PHLDB3: variants seen among roughly 807,000 people sequenced by gnomAD.
PHLDB3 encodes pleckstrin homology like domain family B member 3.
Under a neutral mutation model 85.7 loss-of-function variants are expected in PHLDB3, and 86 were observed. The observed-to-expected ratio is 1.00, with a 90% CI of 0.84 to 1.20. PHLDB3 has a LOEUF of 1.20. Ranked by LOEUF, PHLDB3 falls within the 50% of genes most tolerant of loss-of-function variation. PHLDB3 has a pLI of 0.00. For missense variants in PHLDB3, 995 were observed against 873.0 expected (o/e 1.14, Z -1.76); for synonymous variants, 376 against 349.8 (o/e 1.07, Z -0.83).
intron 15 of PHLDB3, 85 bp from the exon 16 acceptor site, chr19:43,475,629 C>T: frequency 6.5e-7 from 1 of 1,531,214 alleles, no homozygotes; most frequent in Non-Finnish European, 8.9e-7. Flanking sequence ...TACTTATAGT[C>T]TGTGTGGCAC....
Position 43,486,417 on chromosome 19 carries a change from A to G in PHLDB3, c.1429-95T>C, listed in dbSNP as rs946104016. The G allele has an allele frequency of 3.7e-6, 5 of 1,358,630 alleles. No individual in the cohort carries two copies. The African/African-American group carries it at 7.2e-5, about 20-fold the overall frequency. The allele number at this position is 1,358,630 out of a possible 1,614,324, so 84.2% of individuals were successfully genotyped here. ...CCTAGCTTCTCTGTTCTGAGGGTAC[A>G]GGGACTGGGGGCCTGGACTCCTGGG... On this transcript the variant is annotated intron_variant, in intron 12 of 15. Transcript: ENST00000292140.
rs1203007604 is a variant in PHLDB3 at position 43,479,466 on chromosome 19, G to T, written c.1613C>A (p.Pro538His). The T allele has an allele frequency of 2.6e-6, 4 of 1,564,118 alleles. No individual in the cohort carries two copies. In the Admixed American group the frequency reaches 5.7e-5, roughly 22 times the overall value. Residue 538 changes from proline (P) to histidine (H), a missense_variant, in exon 14 of 16, where the codon CCC becomes CAC. Coordinates refer to ENST00000292140, the MANE Select transcript of PHLDB3 (RefSeq NM_198850.4). ...VQVSGCCCRGPLVKMGGRIKT... is the reference protein window; with the variant it reads ...VQVSGCCCRGHLVKMGGRIKT... ...GATGCGGCCGCCCATCTTCACCAGG[G>T]GTCCACGGCAGCAGCACCCAGACAC... is the stretch of plus-strand genomic sequence containing the variant.
Position 43,478,045 on chromosome 19 carries a change from A to G in PHLDB3, c.1788+2T>C, listed in dbSNP as rs1442216054. On this transcript the variant is annotated splice_donor_variant, in intron 15 of 15. Coordinates refer to ENST00000292140, the MANE Select transcript of PHLDB3 (RefSeq NM_198850.4). LOFTEE classifies it high-confidence loss of function. ...GGTCAGGGTGACATTGAGGGGCTTCACCTTGAAGGCACAGCGTAAGTGGTC... is the reference window on the plus strand; with the variant it reads ...GGTCAGGGTGACATTGAGGGGCTTCGCCTTGAAGGCACAGCGTAAGTGGTC... 3 of 1,609,870 alleles carry G rather than the reference A, an allele frequency of 1.9e-6. No homozygotes were observed. The highest frequency in any genetic ancestry group is 2.5e-6 in the Non-Finnish European group (3 of 1,176,488).
intron 13 of PHLDB3, among the ~76,000 whole-genome samples, chr19:43,480,264 TAAAAAAAAA>T (rs57417757): frequency 2.4e-4 from 17 of 71,614 alleles, no homozygotes; most frequent in East Asian, 9.8e-4. Flanking sequence ...CTTCTCTATT[TAAAAAAAAA>T]AAAAAAAAAA....
chr19:43,485,179 A>G (rs1343926886), intron 13 of PHLDB3, among the ~76,000 whole-genome samples: 1 of 151,722 alleles, frequency 6.6e-6, no homozygotes, highest in Non-Finnish European at 1.5e-5. Flanking sequence ...TCCTTCTCTC[A>G]TGCATATGCT....
intron 2 of PHLDB3, 69 bp from the exon 3 acceptor site, chr19:43,502,352 C>A: frequency 6.9e-7 from 1 of 1,442,694 alleles, no homozygotes; most frequent in East Asian, 2.5e-5. Flanking sequence ...AGGTCTGGTC[C>A]CCACCCAACA....
At chr19:43,504,190 G>A (rs1971695859) in intron 1 of PHLDB3, 58 bp from the exon 2 acceptor site, 7 of 1,434,448 alleles carry the variant, frequency 4.9e-6, no homozygotes, top group Non-Finnish European at 6.5e-6. Flanking sequence ...GCTGAGCGCC[G>A]CTCGCGTCTG....
Position 43,487,006 on chromosome 19 carries a change from G to A in PHLDB3, c.1249+18C>T, listed in dbSNP as rs1971181749. 6.6e-7 allele frequency: 1 copy of A among 1,526,266 alleles called. No individual in the cohort carries two copies. The highest frequency in any genetic ancestry group is 8.8e-7 in the Non-Finnish European group (1 of 1,138,462). The allele number at this position is 1,526,266 out of a possible 1,614,324, so 94.5% of individuals were successfully genotyped here. On this transcript the variant is annotated intron_variant, in intron 10 of 15. Coordinates refer to ENST00000292140, the MANE Select transcript of PHLDB3 (RefSeq NM_198850.4). ...AGTGCTGATGTGGGAAGGAAGTGGG[G>A]AACAGGGGGATCCTCACCAGTACAA...
rs1971577812 is a variant in PHLDB3, at chr19:43,500,919, C to CG, written c.534+814_534+815insC. On this transcript the variant is annotated intron_variant, in intron 4 of 15. Coordinates refer to ENST00000292140, the MANE Select transcript of PHLDB3 (RefSeq NM_198850.4). ...TGCCCCGCCCCCCGTACCCCCCCCC[C>CG]ACCCCGCAAGTACTGGGATTACAGG... Among the ~76,000 whole-genome samples, 2 of 115,612 alleles carry CG rather than the reference C, an allele frequency of 1.7e-5. 1 individual carries two copies. Among genetic ancestry groups the CG allele is most frequent in the African/African-American group, 6.5e-5 (2 of 30,872 alleles). 75.8% of individuals were successfully genotyped at this position (115,612 alleles called of 152,430 possible). A position where few individuals can be genotyped will look rare whatever the true frequency, so the allele number is the denominator to read the frequency against.
intron 9 of PHLDB3, among the ~76,000 whole-genome samples, chr19:43,489,376 T>G (rs972186763): frequency 4.6e-5 from 7 of 151,370 alleles, no homozygotes; most frequent in Admixed American, 2.0e-4. Context: ...AAAGTTTTTT[T>G]TTTTTTTTTT....
rs548109894 is a variant in PHLDB3 at position 43,488,141 on chromosome 19, G to A, written c.1150-1018C>T. 1.8e-3 allele frequency among the ~76,000 whole-genome samples: 267 copies of A among 151,208 alleles called. 1 individual carries two copies. The highest frequency in any genetic ancestry group is 3.7e-3 in the Admixed American group (56 of 15,146). On this transcript the variant is annotated intron_variant, in intron 9 of 15. Transcript: ENST00000292140. Reference sequence around the variant, plus strand: ...TGAAATCCAGGCTGGACGACAGAGCGAGACTCTGTCGCAAAAAAAAAAAAG... The same window carrying A: ...TGAAATCCAGGCTGGACGACAGAGCAAGACTCTGTCGCAAAAAAAAAAAAG...
In PHLDB3 at chr19:43,479,583, G is replaced by T; in HGVS notation, c.1496C>A (p.Thr499Asn). 5 of 1,487,218 alleles carry T rather than the reference G, an allele frequency of 3.4e-6. No homozygotes were observed. The highest frequency in any genetic ancestry group is 3.7e-6 in the Non-Finnish European group (4 of 1,092,286). 92.1% of individuals were successfully genotyped at this position (1,487,218 alleles called of 1,614,324 possible). ...TCGCGGGCCTGGAGGGTGGGGTGGG[G>T]TGGGTGGGGCCTGGGGAGCAAAGAG... ...PAVPAITAPP[T>N]PPHPPGPRIL... is the part of the protein sequence containing the mutation. Residue 499 changes from threonine to asparagine, a missense_variant, in exon 14 of 16, where the codon ACC becomes AAC. By Grantham distance (65) the Thr-to-Asn change is moderately conservative. Coordinates refer to ENST00000292140, the MANE Select transcript of PHLDB3 (RefSeq NM_198850.4).
At position 43,502,614 on chromosome 19, in the gene PHLDB3, CTTTTT is replaced by C. The variant is rs71336869; in HGVS notation, c.214-336_214-332del. Among the ~76,000 whole-genome samples, 13 of 114,792 alleles carry C rather than the reference CTTTTT, an allele frequency of 1.1e-4. 1 individual carries two copies. In the South Asian group the frequency reaches 1.4e-3, roughly 12 times the overall value. 75.3% of individuals were successfully genotyped at this position (114,792 alleles called of 152,430 possible). On this transcript the variant is annotated intron_variant, in intron 2 of 15. Transcript: ENST00000292140. ...CAGGCGCGCACCGCCACGCCAAGCT[CTTTTT>C]TTTTTTTTTTTTTTTTGGCAGAGAG...
chr19:43,504,017 T>C lies in PHLDB3; in HGVS notation c.102A>G (p.Glu34=), dbSNP rs1230228460. 1 of 1,613,758 alleles carries C rather than the reference T, an allele frequency of 6.2e-7. No homozygotes were observed. Among genetic ancestry groups the C allele is most frequent in the African/African-American group, 1.3e-5 (1 of 74,952 alleles). The part of the protein sequence containing the change: ...QPQGHPEESR[E]QEASEVLAEP... ...CCGCCAGGACTTCGGATGCCTCCTG[T>C]TCCCGGGACTCCTCGGGATGGCCCT... The change falls in exon 2 of 16, where the codon GAA becomes GAG. Residue 34 remains glutamate (E), a synonymous_variant. Transcript: ENST00000292140.
At position 43,486,310 on chromosome 19, in the gene PHLDB3, T is replaced by C; in HGVS notation, c.1441A>G (p.Arg481Gly). ...GGGCCTGAGGAACCTTCCGTGCCCC[T>C]TCTTGTTCCTTCCTGTGGATTCAGG... ...RLLKAREGTR[R>G]GTEGSSGPAV... Residue 481 changes from arginine (R) to glycine (G), a missense_variant, in exon 13 of 16, where the codon AGG (arginine) becomes GGG (glycine). By Grantham distance (125) the Arg-to-Gly change is moderately radical (BLOSUM62 -2). Transcript: ENST00000292140. 6.2e-7 allele frequency: 1 copy of C among 1,607,048 alleles called. No homozygotes were observed. Among genetic ancestry groups the C allele is most frequent in the East Asian group, 2.2e-5 (1 of 44,678 alleles).
chr19:43,475,197 G>A lies in PHLDB3; in HGVS notation c.*213C>T. On this transcript the variant is annotated 3_prime_UTR_variant, in exon 16 of 16. Coordinates refer to ENST00000292140, the MANE Select transcript of PHLDB3 (RefSeq NM_198850.4). ...CAATCTTCCTCCTGCCCCGGGCAGG[G>A]CCTTAGGGGCCGGCGATCCCGTCGG... 1 of 595,484 alleles carries A rather than the reference G, an allele frequency of 1.7e-6. No individual in the cohort carries two copies. The highest frequency in any genetic ancestry group is 3.0e-5 in the East Asian group (1 of 33,296). 36.9% of individuals were successfully genotyped at this position (595,484 alleles called of 1,614,324 possible).
rs1306451473 is a variant in PHLDB3 at position 43,475,189 on chromosome 19, C to G, written c.*221G>C. 3 of 551,616 alleles carry G rather than the reference C, an allele frequency of 5.4e-6. No homozygotes were observed. The highest frequency in any genetic ancestry group is 9.5e-6 in the Non-Finnish European group (3 of 315,946). The allele number at this position is 551,616 out of a possible 1,614,324, so 34.2% of individuals were successfully genotyped here. On this transcript the variant is annotated 3_prime_UTR_variant, in exon 16 of 16. Transcript: ENST00000292140. Reference sequence around the variant, plus strand: ...CGCCCCTGCAATCTTCCTCCTGCCCCGGGCAGGGCCTTAGGGGCCGGCGAT... The same window carrying G: ...CGCCCCTGCAATCTTCCTCCTGCCCGGGGCAGGGCCTTAGGGGCCGGCGAT...
Position 43,502,258 on chromosome 19 carries a change from A to T in PHLDB3, c.239T>A (p.Met80Lys). ...GGTGGATGCGGGAGGTGTGGCCGCCATAGCTATCGGAGGCGTAGCCTCGGG... is the reference window on the plus strand; with the variant it reads ...GGTGGATGCGGGAGGTGTGGCCGCCTTAGCTATCGGAGGCGTAGCCTCGGG... ...DAPEATPPIA[M>K]AATPPASTSS... is the part of the protein sequence containing the mutation. The change falls in exon 3 of 16, where the codon ATG becomes AAG. Residue 80 changes from methionine to lysine, a missense_variant. Physicochemically the swap from Met to Lys is moderately conservative, Grantham distance 95. Transcript: ENST00000292140. The T allele has an allele frequency of 6.4e-7, 1 of 1,564,016 alleles. No individual in the cohort carries two copies. The highest frequency in any genetic ancestry group is 1.9e-5 in the Admixed American group (1 of 53,090).
At position 43,502,254 on chromosome 19, in the gene PHLDB3, C is replaced by A. The variant is rs201507471; in HGVS notation, c.243G>T (p.Ala81=). Residue 81 remains alanine (A), a synonymous_variant, in exon 3 of 16, where the codon GCG becomes GCT. Transcript: ENST00000292140. The part of the protein sequence containing the change: ...APEATPPIAM[A]ATPPASTSSR... ...AAGAGGTGGATGCGGGAGGTGTGGC[C>A]GCCATAGCTATCGGAGGCGTAGCCT... 548 of 1,564,364 alleles carry A rather than the reference C, an allele frequency of 3.5e-4. 2 individuals carry two copies. Among genetic ancestry groups the A allele is most frequent in the South Asian group, 5.7e-4 (49 of 85,422 alleles).
Sources: allele counts gnomAD v4.1 joint callset (sites outside exome capture counted in the v4.1 genomes callset), GRCh38; gene constraint gnomAD v4.1.1; transcripts MANE v1.5; gene names NCBI Gene and HGNC (gene_info 2026-07-23, HGNC 2026-07-21).